The following ASB10 variants were observed in gnomAD, a reference collection of about 807,000 sequenced individuals.
ASB10 encodes the protein ankyrin repeat and SOCS box protein 10.
ASB10 carries 44 observed loss-of-function variants against 35.4 expected under a neutral mutation model. The ratio of observed to expected loss-of-function variants is 1.24; its 90% confidence interval spans 0.98 to 1.60. The LOEUF (loss-of-function observed/expected upper bound fraction) is 1.60, where lower values mean the gene tolerates loss of function less well. ASB10 is among the 40% of genes most tolerant of loss of function. The pLI is 0.00. For missense variants in ASB10, 647 were observed against 634.3 expected, an observed-to-expected ratio of 1.02 and a Z score of -0.22; for synonymous variants, 294 against 280.4, an observed-to-expected ratio of 1.05 and a Z score of -0.49.
At chr7:151,187,395 T>A, upstream of ASB10, 1 of 1,549,754 alleles carries the variant, frequency 6.5e-7, no homozygotes, top group Non-Finnish European at 8.7e-7. This position sits in a 1 kb window ranked among gnomAD's most constrained non-coding sequence, Gnocchi z 5.3. Flanking sequence ...AGGACCTCTG[T>A]GGCCGAGGCA....
chr7:151,187,262 G>A (rs965819716), upstream of ASB10: 2 of 1,514,038 alleles, frequency 1.3e-6, no homozygotes, highest in African/African-American at 1.4e-5. This position sits in a 1 kb window ranked among gnomAD's most constrained non-coding sequence, Gnocchi z 5.3. Context: ...ACCTGGCCAC[G>A]CATCCAGCAG....
At chr7:151,182,617 C>T (rs1801516020) in intron 2 of ASB10, among the ~76,000 whole-genome samples, 1 of 152,086 alleles carries the variant, frequency 6.6e-6, no homozygotes, top group Non-Finnish European at 1.5e-5. Context: ...TGAAATTGGC[C>T]AACTGGATTT....
At chr7:151,176,091 C>A (rs1801380127) in intron 5 of ASB10, 21 bp downstream of exon 5, 1 of 1,608,202 alleles carries the variant, frequency 6.2e-7, no homozygotes, top group Non-Finnish European at 8.5e-7. Context: ...GCTGTGACTG[C>A]TCACAGATCC....
intron 3 of ASB10, among the ~76,000 whole-genome samples, chr7:151,179,433 C>T (rs926368782): frequency 5.3e-5 from 8 of 152,198 alleles, no homozygotes; most frequent in African/African-American, 1.7e-4. Context: ...TCCGACTGTT[C>T]CCCAGTGCTC....
At chr7:151,178,168 G>A (rs961365703) in intron 3 of ASB10, among the ~76,000 whole-genome samples, 1 of 152,244 alleles carries the variant, frequency 6.6e-6, no homozygotes, top group Non-Finnish European at 1.5e-5. Flanking sequence ...AGAATCTCTT[G>A]AGCCTGGGAG....
chr7:151,176,655 A>G lies in ASB10; in HGVS notation c.1126T>C (p.Cys376Arg). ...ATCAGGACCTCGATGGTCCGAGGGC[A>G]CGTGCTCCAGCGCTCCAGCACCTGT... ...LPKVLERWST[C>R]PRTIEVLMNT... Residue 376 changes from cysteine (C) to arginine (R), a missense_variant, in exon 4 of 6, where the codon TGC becomes CGC. Cys to Arg is a radical substitution (Grantham distance 180). Transcript: ENST00000420175. 6.4e-7 allele frequency: 1 copy of G among 1,551,374 alleles called. No homozygotes were observed. Among genetic ancestry groups the G allele is most frequent in the Non-Finnish European group, 8.7e-7 (1 of 1,146,884 alleles).
Position 151,181,458 on chromosome 7 carries a change from C to G in ASB10, c.585G>C (p.Glu195Asp). The G allele has an allele frequency of 6.3e-7, 1 of 1,580,662 alleles. No individual in the cohort carries two copies. Among genetic ancestry groups the G allele is most frequent in the Non-Finnish European group, 8.6e-7 (1 of 1,158,544 alleles). ...CAAACCTGAGGAGCAGCTCCGCACA[C>G]CTATTGGGGGGAGACGGTGGTGGGG... ...LHLCRGPGTL[E>D]CAELLLRFGA... Residue 195 changes from glutamate to aspartate, a missense_variant and splice_region_variant, in exon 3 of 6, where the codon GAG (glutamate) becomes GAC (aspartate). By Grantham distance (45) the Glu-to-Asp change is conservative. Coordinates refer to ENST00000420175, the MANE Select transcript of ASB10 (RefSeq NM_001142459.2).
Position 151,186,808 on chromosome 7 carries a change from C to A in ASB10, c.316+7G>T. On this transcript the variant is annotated splice_region_variant and intron_variant, in intron 1 of 5. Transcript: ENST00000420175. ...CCACTGAGAGCCCCCAGTGCCCCGG[C>A]CCGTACTCAGAGCACGGATGTTGAA... The A allele has an allele frequency of 1.3e-6, 2 of 1,580,884 alleles. No homozygotes were observed. The highest frequency in any genetic ancestry group is 1.2e-5 in the South Asian group (1 of 85,934).
At position 151,180,631 on chromosome 7, in the gene ASB10, C is replaced by T. The variant is rs537543482; in HGVS notation, c.1104+308G>A. Reference sequence around the variant, plus strand: ...TTTTTGGATCCTTTATCTAATCTGGCCCCACTGCCCCCAGTCCGCCTTTAT... The same window carrying T: ...TTTTTGGATCCTTTATCTAATCTGGTCCCACTGCCCCCAGTCCGCCTTTAT... On this transcript the variant is annotated intron_variant, in intron 3 of 5. Coordinates refer to ENST00000420175, the MANE Select transcript of ASB10 (RefSeq NM_001142459.2). Among the ~76,000 whole-genome samples, 3 of 152,304 alleles carry T rather than the reference C, an allele frequency of 2.0e-5. No homozygotes were observed. The East Asian group carries it at 5.8e-4, about 29-fold the overall frequency.
chr7:151,185,926 C>G (rs966700710), intron 2 of ASB10, among the ~76,000 whole-genome samples: 25 of 152,108 alleles, frequency 1.6e-4, no homozygotes, highest in South Asian at 1.0e-3. Flanking sequence ...AGACCCTACC[C>G]AGAGGGACCC....
chr7:151,180,035 G>A (rs1323127695), intron 3 of ASB10, among the ~76,000 whole-genome samples: 1 of 152,238 alleles, frequency 6.6e-6, no homozygotes, highest in Non-Finnish European at 1.5e-5. Context: ...GGCTGGGATA[G>A]CAGGGGTGGT....
chr7:151,186,359 T>G (rs1170057898), intron 2 of ASB10, 33 bp downstream of exon 2: 3 of 1,549,526 alleles, frequency 1.9e-6, no homozygotes, highest in Non-Finnish European at 2.6e-6. Context: ...CCCTTCAGAG[T>G]GGAACTGGGG....
intron 3 of ASB10, among the ~76,000 whole-genome samples, chr7:151,180,480 A>G (rs1042781044): frequency 6.6e-6 from 1 of 152,112 alleles, no homozygotes; most frequent in African/African-American, 2.4e-5. Flanking sequence ...CCTCTCCTGC[A>G]TCTGTCACTG....
At position 151,183,217 on chromosome 7, in the gene ASB10, C is replaced by T. The variant is rs1224954859; in HGVS notation, c.585-1759G>A. Among the ~76,000 whole-genome samples, 3 of 152,158 alleles carry T rather than the reference C, an allele frequency of 2.0e-5. No homozygotes were observed. In the South Asian group the frequency reaches 6.2e-4, roughly 32 times the overall value. ...CTTTAGCCCAGGAGTTCAAGACTAT[C>T]CTGGGCAACAAAGTGAGACCCATCT... On this transcript the variant is annotated intron_variant, in intron 2 of 5. Transcript: ENST00000420175.
Position 151,175,727 on chromosome 7 carries a change from C to T in ASB10, c.*240G>A, listed in dbSNP as rs1168171790. On this transcript the variant is annotated 3_prime_UTR_variant, in exon 6 of 6. Coordinates refer to ENST00000420175, the MANE Select transcript of ASB10 (RefSeq NM_001142459.2). ...GACCTGGAGATTTTTAATGCACATA[C>T]AGGGTTTGCACAGGCTAGAAGGGGG... 1.0e-5 allele frequency: 2 copies of T among 195,814 alleles called. No individual in the cohort carries two copies. The highest frequency in any genetic ancestry group is 5.5e-5 in the Admixed American group (1 of 18,116). The allele number at this position is 195,814 out of a possible 1,614,324, so 12.1% of individuals were successfully genotyped here. A position where few individuals can be genotyped will look rare whatever the true frequency, so the allele number is the denominator to read the frequency against.
intron 1 of ASB10, 64 bp downstream of exon 1, chr7:151,186,751 C>A (rs753365472): frequency 3.3e-6 from 5 of 1,532,892 alleles, no homozygotes; most frequent in East Asian, 4.6e-5. Context: ...GAAGAGGGAG[C>A]CCAGAGCTCC....
At position 151,179,740 on chromosome 7, in the gene ASB10, G is replaced by A. The variant is rs1316022539; in HGVS notation, c.1104+1199C>T. Reference sequence around the variant, plus strand: ...TGGTCCCAGAGACAGGCTGAGAGGTGGAGCAGGGCTGTGGGGACCCAGGAA... The same window carrying A: ...TGGTCCCAGAGACAGGCTGAGAGGTAGAGCAGGGCTGTGGGGACCCAGGAA... On this transcript the variant is annotated intron_variant, in intron 3 of 5. Transcript: ENST00000420175. Among the ~76,000 whole-genome samples, 12 of 152,330 alleles carry A rather than the reference G, an allele frequency of 7.9e-5. No homozygotes were observed. In the East Asian group the frequency reaches 2.1e-3, roughly 27 times the overall value.
Position 151,186,410 on chromosome 7 carries a change from C to A in ASB10, c.566G>T (p.Arg189Leu). Residue 189 changes from arginine (R) to leucine (L), a missense_variant, in exon 2 of 6, where the codon CGG becomes CTG. Arg to Leu is a moderately radical substitution (Grantham distance 102, BLOSUM62 -2). Coordinates refer to ENST00000420175, the MANE Select transcript of ASB10 (RefSeq NM_001142459.2). ...CACTCACTCAAGGGTGCCAGGCCCCCGGCAGAGATGCAGGGGGCGTTTCCC... is the reference window on the plus strand; with the variant it reads ...CACTCACTCAAGGGTGCCAGGCCCCAGGCAGAGATGCAGGGGGCGTTTCCC... ...QDGKRPLHLC[R>L]GPGTLECAEL... 6.3e-7 allele frequency: 1 copy of A among 1,587,006 alleles called. No individual in the cohort carries two copies. Among genetic ancestry groups the A allele is most frequent in the South Asian group, 1.1e-5 (1 of 87,052 alleles).
At chr7:151,185,389 G>A (rs1408722694) in intron 2 of ASB10, among the ~76,000 whole-genome samples, 1 of 152,110 alleles carries the variant, frequency 6.6e-6, no homozygotes, top group South Asian at 2.1e-4. Flanking sequence ...AAAGTGCTGG[G>A]ATTACAGGTG....
Sources: allele counts gnomAD v4.1 joint callset (sites outside exome capture counted in the v4.1 genomes callset), GRCh38; gene constraint gnomAD v4.1.1; non-coding constraint Gnocchi (gnomAD v3.1); transcripts MANE v1.5; gene names NCBI Gene and HGNC (gene_info 2026-07-23, HGNC 2026-07-21).